The following COBL variants were observed in gnomAD, a reference collection of about 807,000 sequenced individuals.
The protein encoded by COBL is protein cordon-bleu.
In COBL, 51 loss-of-function variants were observed where a neutral mutation model predicts 98.8. The ratio of observed to expected loss-of-function variants is 0.52; its 90% CI spans 0.41 to 0.65. COBL has a LOEUF of 0.65. Ranked by LOEUF, COBL falls within the 30% of genes least tolerant of loss-of-function variation. COBL has a pLI of 0.00. For missense variants in COBL, 1,617 were observed against 1,617.5 expected, an observed-to-expected ratio of 1.00 and a Z score of 0.01; for synonymous variants, 634 against 651.7, an observed-to-expected ratio of 0.97 and a Z score of 0.41.
At chr7:51,019,975 A>G (rs895301692) in intron 12 of COBL, among the ~76,000 whole-genome samples, 1 of 152,106 alleles carries the variant, frequency 6.6e-6, no homozygotes, top group African/African-American at 2.4e-5. Context: ...TCACATGTCT[A>G]ATCATTTCTT....
intron 2 of COBL, among the ~76,000 whole-genome samples, chr7:51,202,820 C>T (rs1791260203): frequency 6.6e-6 from 1 of 152,170 alleles, no homozygotes; most frequent in Non-Finnish European, 1.5e-5. Flanking sequence ...GCAGGTGGAT[C>T]ACTTGAGGTC....
chr7:51,264,230 A>G (rs892369745), intron 1 of COBL, among the ~76,000 whole-genome samples: 1 of 152,254 alleles, frequency 6.6e-6, no homozygotes, highest in African/African-American at 2.4e-5. Flanking sequence ...TGTTCCTCAC[A>G]ATGGCAGGGC....
chr7:51,104,335 G>C (rs1796066636), intron 6 of COBL, among the ~76,000 whole-genome samples: 1 of 152,230 alleles, frequency 6.6e-6, no homozygotes, highest in East Asian at 1.9e-4. Flanking sequence ...TGACCAAAAA[G>C]ATTATGAGCC....
chr7:51,214,654 T>C (rs1162272423), intron 2 of COBL, among the ~76,000 whole-genome samples: 1 of 152,244 alleles, frequency 6.6e-6, no homozygotes, highest in East Asian at 1.9e-4. Flanking sequence ...TCAATCAACA[T>C]GTACCCTGGG....
At chr7:51,273,194 T>C (rs1284076459) in intron 1 of COBL, among the ~76,000 whole-genome samples, 1 of 151,936 alleles carries the variant, frequency 6.6e-6, no homozygotes, top group East Asian at 1.9e-4. Context: ...CCGGGCATGG[T>C]GGCACATGCC....
intron 1 of COBL, among the ~76,000 whole-genome samples, chr7:51,224,072 G>C (rs966151949): frequency 1.3e-5 from 2 of 152,176 alleles, no homozygotes; most frequent in African/African-American, 4.8e-5. Context: ...ACAGTGTTCA[G>C]CACAGTAACA....
At chr7:51,107,084 GTTTGTTTGTTTTTTTTTT>G (rs1474307864) in intron 6 of COBL, among the ~76,000 whole-genome samples, 1 of 109,312 alleles carries the variant, frequency 9.1e-6, no homozygotes, top group Non-Finnish European at 1.9e-5. Flanking sequence ...TGTGATCCTA[GTTTGTTTGTTTTTTTTTT>G]TTTTTTTTTT....
intron 7 of COBL, among the ~76,000 whole-genome samples, chr7:51,075,042 A>G (rs1041082629): frequency 6.6e-6 from 1 of 152,340 alleles, no homozygotes; most frequent in African/African-American, 2.4e-5. Context: ...ATGGCATCAG[A>G]CAGTAAGATG....
At chr7:51,238,626 A>G (rs1168718895) in intron 1 of COBL, among the ~76,000 whole-genome samples, 2 of 145,980 alleles carry the variant, frequency 1.4e-5, no homozygotes, top group African/African-American at 5.2e-5. Context: ...AAAGGGGGAA[A>G]AATGTTGGTT....
chr7:51,128,088 C>G (rs1056484354), intron 6 of COBL, among the ~76,000 whole-genome samples: 2 of 152,204 alleles, frequency 1.3e-5, no homozygotes, highest in Non-Finnish European at 2.9e-5. Flanking sequence ...AGAAACCCCA[C>G]CTTGATGGCG....
chr7:51,281,849 C>G (rs1174566571), intron 1 of COBL, among the ~76,000 whole-genome samples: 3 of 152,112 alleles, frequency 2.0e-5, no homozygotes, highest in Non-Finnish European at 4.4e-5. Flanking sequence ...GAGGAACAGA[C>G]ATGTTAAACA....
rs1210643039 is a variant in COBL at position 51,043,424 on chromosome 7, G to T, written c.1365C>A (p.Ser455Arg). The T allele has an allele frequency of 6.2e-7, 1 of 1,614,090 alleles. No homozygotes were observed. Among genetic ancestry groups the T allele is most frequent in the African/African-American group, 1.3e-5 (1 of 74,930 alleles). The change falls in exon 8 of 13, where the codon AGC (serine) becomes AGA (arginine). Residue 455 changes from serine (S) to arginine (R), a missense_variant. This residue lies in a region of COBL where 1,304 missense variants were observed against 1,282.0 expected (regional missense o/e 1.02). Transcript: ENST00000265136. Reference protein sequence around the residue: ...AGTPDLGPQKSPLWEKNGSEN... With the variant: ...AGTPDLGPQKRPLWEKNGSEN... ...CAGAGCCATTCTTCTCCCACAAGGG[G>T]CTCTTCTGGGGACCCAGGTCTGGGG... is the stretch of plus-strand genomic sequence containing the variant.
rs150346346 is a variant in COBL at position 51,222,185 on chromosome 7, G to A, written c.42-2241C>T. 4.3e-3 allele frequency among the ~76,000 whole-genome samples: 474 copies of A among 110,194 alleles called. 2 individuals are homozygous for A. The highest frequency in any genetic ancestry group is 0.014 in the African/African-American group (439 of 32,356). The allele number at this position is 110,194 out of a possible 152,430, so 72.3% of individuals were successfully genotyped here. On this transcript the variant is annotated intron_variant, in intron 1 of 12. Coordinates refer to ENST00000265136, the MANE Select transcript of COBL (RefSeq NM_015198.5). Reference sequence around the variant, plus strand: ...GCCTGGGCAACAAGAGTGAAACTCCGTCTCAAAAATAATAATAATAATAAT... The same window carrying A: ...GCCTGGGCAACAAGAGTGAAACTCCATCTCAAAAATAATAATAATAATAAT...
chr7:51,208,713 A>G (rs1043194692), intron 2 of COBL, among the ~76,000 whole-genome samples: 2 of 152,162 alleles, frequency 1.3e-5, no homozygotes, highest in Non-Finnish European at 2.9e-5. Context: ...TTTGTTCTGT[A>G]CTAAGAAAAA....
intron 1 of COBL, among the ~76,000 whole-genome samples, chr7:51,294,117 C>T (rs1435005180): frequency 2.6e-5 from 4 of 151,620 alleles, no homozygotes; most frequent in Non-Finnish European, 5.9e-5. Context: ...ATGGTGAAAC[C>T]CCATCTCTAC....
intron 6 of COBL, among the ~76,000 whole-genome samples, chr7:51,115,930 C>A (rs1797235096): frequency 6.6e-6 from 1 of 152,028 alleles, no homozygotes; most frequent in African/African-American, 2.4e-5. Context: ...AGTATGAAAT[C>A]TTCCTGATGT....
At chr7:51,107,793 C>G (rs1170529928) in intron 6 of COBL, among the ~76,000 whole-genome samples, 2 of 152,128 alleles carry the variant, frequency 1.3e-5, no homozygotes, top group Non-Finnish European at 2.9e-5. Context: ...CTGGGGAATA[C>G]AAGATGCCAA....
At position 51,056,899 on chromosome 7, in the gene COBL, G is replaced by A. The variant is rs188686095; in HGVS notation, c.1097-13207C>T. ...CTCCTTGTTGGAGGTTTTGCTTTCT[G>A]CAGTTTGTTACTTGTGATCAACCAA... On this transcript the variant is annotated intron_variant, in intron 7 of 12. Coordinates refer to ENST00000265136, the MANE Select transcript of COBL (RefSeq NM_015198.5). Among the ~76,000 whole-genome samples the A allele has an allele frequency of 3.0e-3, 450 of 151,152 alleles. 4 individuals carry two copies. Among genetic ancestry groups the A allele is most frequent in the African/African-American group, 0.011 (441 of 41,210 alleles).
rs199862914 is a variant in COBL at position 51,028,889 on chromosome 7, A to G, written c.2207T>C (p.Leu736Pro). The change falls in exon 10 of 13, where the codon CTG becomes CCG. Residue 736 changes from leucine to proline, a missense_variant. Transcript: ENST00000265136. ...GGCGTGAGGACTCACCAAGTTCCCC[A>G]GCTCGTCAATCTTAATGGCTCCGGT... ...LSTGAIKIDE[L>P]GNLVSPHATG... is the part of the protein sequence containing the mutation. The G allele has an allele frequency of 1.9e-6, 3 of 1,614,232 alleles. No homozygotes were observed.
Sources: allele counts gnomAD v4.1 joint callset (sites outside exome capture counted in the v4.1 genomes callset), GRCh38; gene constraint gnomAD v4.1.1; regional missense constraint gnomAD v4.1.1; transcripts MANE v1.5; gene names NCBI Gene and HGNC (gene_info 2026-07-23, HGNC 2026-07-21).